KCNAB1: variants seen among roughly 807,000 people sequenced by gnomAD.
The protein encoded by KCNAB1 is voltage-gated potassium channel subunit beta-1.
In KCNAB1, 35 loss-of-function variants were observed where a neutral mutation model predicts 64.6. The ratio of observed to expected loss-of-function variants is 0.54; its 90% CI spans 0.41 to 0.72. The LOEUF is 0.72. Ranked by LOEUF, KCNAB1 falls within the 30% of genes least tolerant of loss-of-function variation. KCNAB1 has a pLI of 0.00. For synonymous variants in KCNAB1, 177 were observed against 183.8 expected (o/e 0.96, Z 0.30); for missense variants, 401 against 512.9 (o/e 0.78, Z 2.11).
At chr3:156,251,726 A>G (rs1717840255) in intron 1 of KCNAB1, among the ~76,000 whole-genome samples, 2 of 152,208 alleles carry the variant, frequency 1.3e-5, no homozygotes, top group Admixed American at 1.3e-4. Context: ...TGTGTGTTCT[A>G]AAATACAAAG....
At chr3:156,530,263 A>T (rs1375169644) in intron 12 of KCNAB1, among the ~76,000 whole-genome samples, 1 of 152,256 alleles carries the variant, frequency 6.6e-6, no homozygotes, top group Non-Finnish European at 1.5e-5. Context: ...TCTCCAAGGC[A>T]GAGTTTGGTC....
chr3:156,421,895 T>A (rs1241373987), intron 2 of KCNAB1, among the ~76,000 whole-genome samples: 1 of 152,136 alleles, frequency 6.6e-6, no homozygotes, highest in Non-Finnish European at 1.5e-5. Flanking sequence ...AACCTGATGC[T>A]AAAGCACACC....
chr3:156,368,465 TG>T lies in KCNAB1; in HGVS notation c.276-53150del, dbSNP rs1271245917. Reference sequence around the variant, plus strand: ...TTTTAGAGACAGGGTCTCTCTCTGTTGCCCAGGCTGTAGTGTAGGTGCAATC... The same window carrying T: ...TTTTAGAGACAGGGTCTCTCTCTGTTCCCAGGCTGTAGTGTAGGTGCAATC... On this transcript the variant is annotated intron_variant, in intron 1 of 13. Coordinates refer to ENST00000490337, the MANE Select transcript of KCNAB1 (RefSeq NM_172160.3). Among the ~76,000 whole-genome samples the T allele has an allele frequency of 2.6e-5, 4 of 152,344 alleles. No homozygotes were observed. In the South Asian group the frequency reaches 8.3e-4, roughly 32 times the overall value.
At chr3:156,417,719 GAA>G (rs200175870) in intron 1 of KCNAB1, among the ~76,000 whole-genome samples, 4 of 130,242 alleles carry the variant, frequency 3.1e-5, no homozygotes, top group Admixed American at 7.7e-5. Context: ...TGCCTTAAAA[GAA>G]AAAAAAAAAA....
At chr3:156,182,067 T>C (rs4634068) in intron 1 of KCNAB1, among the ~76,000 whole-genome samples, 88,757 of 152,008 alleles carry the variant, frequency 0.58, 26,728 homozygotes, top group East Asian at 0.9. Context: ...ATTCAAAATG[T>C]TTATCATGAG....
chr3:156,407,949 G>A (rs571446049), intron 1 of KCNAB1, among the ~76,000 whole-genome samples: 6 of 152,248 alleles, frequency 3.9e-5, no homozygotes, highest in African/African-American at 1.4e-4. Context: ...GTTGTTTCTG[G>A]CTGAGGGCTG....
At chr3:156,290,928 C>T (rs1489582601) in intron 1 of KCNAB1, 1 of 970,808 alleles carries the variant, frequency 1.0e-6, no homozygotes, top group East Asian at 1.1e-4. Flanking sequence ...TCTGACAAGG[C>T]TAATAACAGG....
chr3:156,161,683 T>C (rs1716090791), intron 1 of KCNAB1, among the ~76,000 whole-genome samples: 1 of 152,252 alleles, frequency 6.6e-6, no homozygotes, highest in African/African-American at 2.4e-5. Flanking sequence ...GGTTTCTGCA[T>C]AATCTGTGAA....
At chr3:156,435,053 T>TC (rs1716493597) in intron 2 of KCNAB1, among the ~76,000 whole-genome samples, 1 of 152,122 alleles carries the variant, frequency 6.6e-6, no homozygotes, top group African/African-American at 2.4e-5. Context: ...AAGCTGGAAT[T>TC]CCCCTGGGAC....
intron 1 of KCNAB1, among the ~76,000 whole-genome samples, chr3:156,221,779 C>CT (rs908577890): frequency 2.0e-5 from 3 of 146,964 alleles, no homozygotes; most frequent in Admixed American, 2.0e-4. Flanking sequence ...ACTCCATCCC[C>CT]CCCCGCCAAA....
intron 1 of KCNAB1, among the ~76,000 whole-genome samples, chr3:156,165,370 A>C (rs1009914603): frequency 6.7e-6 from 1 of 148,892 alleles, no homozygotes; most frequent in Non-Finnish European, 1.5e-5. Flanking sequence ...CGGAGTGGTG[A>C]GTTTGCTGCT....
chr3:156,483,962 C>G (rs886433500), intron 8 of KCNAB1, among the ~76,000 whole-genome samples: 9 of 152,128 alleles, frequency 5.9e-5, no homozygotes, highest in African/African-American at 1.7e-4. Context: ...ATGTGAAGAG[C>G]TGGCTTTAAA....
chr3:156,197,896 G>A (rs1393786956), intron 1 of KCNAB1, among the ~76,000 whole-genome samples: 5 of 152,070 alleles, frequency 3.3e-5, no homozygotes, highest in Non-Finnish European at 7.4e-5. Context: ...GTTGATTTTA[G>A]ATCTTTCTCG....
intron 1 of KCNAB1, chr3:156,176,851 G>C: frequency 9.1e-7 from 1 of 1,098,446 alleles, no homozygotes; most frequent in Non-Finnish European, 1.4e-6. Context: ...AACTCATGCC[G>C]CTGCCGCTTG....
At chr3:156,250,563 C>T (rs760695863) in intron 1 of KCNAB1, among the ~76,000 whole-genome samples, 33 of 152,146 alleles carry the variant, frequency 2.2e-4, no homozygotes, top group Non-Finnish European at 3.1e-4. Context: ...ATCTGGGTTA[C>T]GGCTTCTTAC....
chr3:156,210,818 G>T (rs1030253956), intron 1 of KCNAB1, among the ~76,000 whole-genome samples: 1 of 152,194 alleles, frequency 6.6e-6, no homozygotes, highest in Non-Finnish European at 1.5e-5. Flanking sequence ...TCTCTTGGCT[G>T]GGTATTGCCC....
chr3:156,259,571 A>G (rs1055946473), intron 1 of KCNAB1, among the ~76,000 whole-genome samples: 1 of 152,168 alleles, frequency 6.6e-6, no homozygotes, highest in Non-Finnish European at 1.5e-5. Context: ...TAACCCATCC[A>G]TTACCGAAAC....
intron 1 of KCNAB1, among the ~76,000 whole-genome samples, chr3:156,201,234 G>A (rs1714311337): frequency 6.6e-6 from 1 of 152,228 alleles, no homozygotes; most frequent in Admixed American, 6.5e-5. Flanking sequence ...CTTGCTGGGA[G>A]CTGCAGACCT....
At chr3:156,449,597 A>T (rs535960909) in intron 2 of KCNAB1, among the ~76,000 whole-genome samples, 7 of 152,234 alleles carry the variant, frequency 4.6e-5, no homozygotes, top group Non-Finnish European at 1.0e-4. Context: ...GCTATCAAAA[A>T]ATAAGAAAGG....
Sources: gnomAD v4.1 joint callset for allele counts (sites outside exome capture counted in the v4.1 genomes callset) on GRCh38, gnomAD v4.1.1 for gene constraint, MANE v1.5 for transcripts, NCBI Gene and HGNC (gene_info 2026-07-23, HGNC 2026-07-21) for gene names.